The following ACAP3 variants were observed in gnomAD, a reference collection of about 807,000 sequenced individuals.
The protein encoded by ACAP3 is ArfGAP with coiled-coil, ankyrin repeat and PH domains 3, also known as arf-GAP with coiled-coil, ANK repeat and PH domain-containing protein 3.
Under a neutral mutation model 104.1 loss-of-function variants are expected in ACAP3, and 56 were observed. That is an observed-to-expected ratio of 0.54 (90% CI 0.43 to 0.67). The LOEUF is 0.67. ACAP3 is among the 30% of genes least tolerant of loss of function. The pLI is 0.00. For missense variants in ACAP3, 1,208 were observed against 1,174.9 expected, an observed-to-expected ratio of 1.03 and a Z score of -0.41; for synonymous variants, 628 against 496.2, an observed-to-expected ratio of 1.27 and a Z score of -3.53.
intron 1 of ACAP3, chr1:1,306,946 C>T (rs1443252366): frequency 2.6e-6 from 1 of 389,724 alleles, no homozygotes; most frequent in African/African-American, 2.1e-5. Context: ...AGCCCCGTGG[C>T]ACAGCTCATC....
At chr1:1,302,120 C>T in intron 4 of ACAP3, 74 bp from the exon 5 acceptor site, 1 of 1,290,784 alleles carries the variant, frequency 7.7e-7, no homozygotes, top group Non-Finnish European at 1.0e-6. Flanking sequence ...CCATCCTCAC[C>T]AGCAGAGGGC....
At chr1:1,293,797 A>AGGCCCCGCCCC in intron 23 of ACAP3, 26 bp downstream of exon 23, 6 of 302,002 alleles carry the variant, frequency 2.0e-5, no homozygotes, top group Non-Finnish European at 1.7e-5. Context: ...GGCCCCGCCC[A>AGGCCCCGCCCC]GCCCCGAGGG....
At position 1,296,272 on chromosome 1, in the gene ACAP3, C is replaced by T; in HGVS notation, c.1346G>A (p.Gly449Asp). Residue 449 changes from glycine (G) to aspartate (D), a missense_variant, in exon 16 of 24, where the codon GGT becomes GAT. By Grantham distance (94) the Gly-to-Asp change is moderately conservative (BLOSUM62 -1). Coordinates refer to ENST00000354700, the MANE Select transcript of ACAP3 (RefSeq NM_030649.3). ...GGACCGCACCTTGGAGCAGTGGACA[C>T]CCAGGCTCCTGGAGAGCAGAGGTAG... is the stretch of plus-strand genomic sequence containing the variant. ...IECSGIHRSLGVHCSKVRSLT... is the reference protein window; with the variant it reads ...IECSGIHRSLDVHCSKVRSLT... The T allele has an allele frequency of 1.9e-6, 3 of 1,558,102 alleles. No homozygotes were observed. The highest frequency in any genetic ancestry group is 2.6e-6 in the Non-Finnish European group (3 of 1,151,174).
intron 4 of ACAP3, among the ~76,000 whole-genome samples, chr1:1,302,688 C>G (rs1015823229): frequency 6.6e-6 from 1 of 151,986 alleles, no homozygotes; most frequent in Admixed American, 6.5e-5. Flanking sequence ...TTGGGGGAAC[C>G]CTGGATAAAC....
chr1:1,297,814 G>T lies in ACAP3; in HGVS notation c.1128+8C>A. The stretch of plus-strand genomic sequence containing the variant: ...ACGGGCTTGGGGCAGGGGCACCAAG[G>T]GCCACACCTCGCTATAGCAACTGTC... On this transcript the variant is annotated splice_region_variant and intron_variant, in intron 14 of 23. Coordinates refer to ENST00000354700, the MANE Select transcript of ACAP3 (RefSeq NM_030649.3). 1 of 1,608,826 alleles carries T rather than the reference G, an allele frequency of 6.2e-7. No individual in the cohort carries two copies. Among genetic ancestry groups the T allele is most frequent in the Non-Finnish European group, 8.5e-7 (1 of 1,177,552 alleles).
At chr1:1,293,970 GC>G in intron 22 of ACAP3, 37 bp from the exon 23 acceptor site, 2 of 1,497,406 alleles carry the variant, frequency 1.3e-6, no homozygotes, top group Non-Finnish European at 1.8e-6. Flanking sequence ...TCGGGGCGGG[GC>G]GGGGCGGGGC....
chr1:1,296,772 C>T (rs1641182632), intron 14 of ACAP3, 139 bp from the exon 15 acceptor site: 1 of 885,466 alleles, frequency 1.1e-6, no homozygotes, highest in Admixed American at 2.2e-5. Context: ...CGTACACGCG[C>T]ACACCCTCAC....
rs1444647569 is a variant in ACAP3, at chr1:1,303,828, C to A, written c.105+258G>T. The A allele has an allele frequency of 1.1e-5, 6 of 567,540 alleles. No homozygotes were observed. The Admixed American group carries it at 1.6e-4, about 15-fold the overall frequency. The allele number at this position is 567,540 out of a possible 1,614,324, so 35.2% of individuals were successfully genotyped here. A position where few individuals can be genotyped will look rare whatever the true frequency, so the allele number is the denominator to read the frequency against. ...TCACCAGCCCAGCAGAGGGGACGGG[C>A]AGCCACCGTGGGTCGGGGACTCACC... On this transcript the variant is annotated intron_variant, in intron 2 of 23. Transcript: ENST00000354700. The surrounding 1 kb of genome is among the most constrained non-coding windows in gnomAD (Gnocchi z 4.0).
intron 4 of ACAP3, among the ~76,000 whole-genome samples, chr1:1,302,579 G>A (rs1641491146): frequency 6.6e-6 from 1 of 152,156 alleles, no homozygotes; most frequent in African/African-American, 2.4e-5. Flanking sequence ...TCTCACGGGT[G>A]CCTGTCCTGT....
chr1:1,307,532 C>T, intron 1 of ACAP3: 4 of 1,084,726 alleles, frequency 3.7e-6, no homozygotes, highest in African/African-American at 1.6e-5. Context: ...GAGGTGCCCA[C>T]GGCTGCCCAC....
rs1557594516 is a variant in ACAP3, at chr1:1,294,137, GCTGT to G, written c.2198_2201del (p.Asp733AlafsTer23). ...CGTGGTGCAGGGGCGCCCGGCCCCG[GCTGT>G]CTCTTTGGTTCACGTCCGCTCCGTT... On this transcript the variant is annotated frameshift_variant, in exon 22 of 24. Transcript: ENST00000354700. LOFTEE classifies it high-confidence loss of function. 2 of 1,594,592 alleles carry G rather than the reference GCTGT, an allele frequency of 1.3e-6. No individual in the cohort carries two copies. Among genetic ancestry groups the G allele is most frequent in the East Asian group, 2.3e-5 (1 of 44,146 alleles).
Position 1,296,583 on chromosome 1 carries a change from G to C in ACAP3, c.1179C>G (p.Thr393=), listed in dbSNP as rs763145875. 9.7e-6 allele frequency: 15 copies of C among 1,539,562 alleles called. No individual in the cohort carries two copies. The highest frequency in any genetic ancestry group is 1.3e-5 in the Non-Finnish European group (15 of 1,146,658). Residue 393 remains threonine, a synonymous_variant, in exon 15 of 24, where the codon ACC becomes ACG. Coordinates refer to ENST00000354700, the MANE Select transcript of ACAP3 (RefSeq NM_030649.3). ...CCTTCACGCCACGCTCCCGAGTGTC[G>C]GTGGCGGAGTCGATGCTGCTCGTGG... ...SPSTSSIDSA[T]DTRERGVKGE... is the part of the protein sequence containing the mutation.
Position 1,294,389 on chromosome 1 carries a change from G to A in ACAP3, c.2139+13C>T, listed in dbSNP as rs779091466. Reference sequence around the variant, plus strand: ...CACCTGTGTCCTGCGCGCAGCCCCCGTGGCTCGCTCACCCCTAGCACGGCC... The same window carrying A: ...CACCTGTGTCCTGCGCGCAGCCCCCATGGCTCGCTCACCCCTAGCACGGCC... On this transcript the variant is annotated intron_variant, in intron 21 of 23. Transcript: ENST00000354700. 42 of 1,564,896 alleles carry A rather than the reference G, an allele frequency of 2.7e-5. No homozygotes were observed. Among genetic ancestry groups the A allele is most frequent in the Non-Finnish European group, 3.4e-5 (39 of 1,159,294 alleles).
Position 1,295,886 on chromosome 1 carries a change from G to A in ACAP3, c.1555C>T (p.Arg519Trp), listed in dbSNP as rs750075234. The A allele has an allele frequency of 5.2e-5, 84 of 1,611,864 alleles. No individual in the cohort carries two copies. Among genetic ancestry groups the A allele is most frequent in the South Asian group, 1.6e-4 (15 of 91,092 alleles). ...AGGGCTGGTGCCATGGGCGCCTTCC[G>A]CAGAAACTTCTTTTCCACGTATTTG... ...KDKYVEKKFLRKAPMAPALEA... is the reference protein window; with the variant it reads ...KDKYVEKKFLWKAPMAPALEA... The change falls in exon 18 of 24, where the codon CGG becomes TGG. Residue 519 changes from arginine to tryptophan, a missense_variant. Transcript: ENST00000354700.
At position 1,307,128 on chromosome 1, in the gene ACAP3, G is replaced by A. The variant is rs1052502905; in HGVS notation, c.47+641C>T. 4 of 1,235,024 alleles carry A rather than the reference G, an allele frequency of 3.2e-6. No homozygotes were observed. The South Asian group carries it at 3.8e-5, about 12-fold the overall frequency. 76.5% of individuals were successfully genotyped at this position (1,235,024 alleles called of 1,614,324 possible). ...TTGTCGTTTGCCAAATGTCCACCAA[G>A]CAAAGCCGATGCACACTTGTGCACA... On this transcript the variant is annotated intron_variant, in intron 1 of 23. Coordinates refer to ENST00000354700, the MANE Select transcript of ACAP3 (RefSeq NM_030649.3).
intron 10 of ACAP3, 101 bp from the exon 11 acceptor site, chr1:1,298,780 C>T: frequency 1.2e-6 from 1 of 860,360 alleles, no homozygotes; most frequent in Non-Finnish European, 1.9e-6. Flanking sequence ...TTGTCTGAGG[C>T]TGCCACACGG....
intron 1 of ACAP3, chr1:1,307,043 AGAG>A (rs1236987991): frequency 2.3e-5 from 14 of 617,404 alleles, no homozygotes; most frequent in Admixed American, 2.1e-4. Context: ...GAGCTCGTGC[AGAG>A]GAGGGGGCCT....
In ACAP3 at chr1:1,292,448, C is replaced by T. The variant is rs1640873831; in HGVS notation, c.*1116G>A. ...GGGGGGTGAGACCCGCCAGCAGGGG[C>T]CTGGGGCAAGAGGCGGGGCCAAGCT... On this transcript the variant is annotated 3_prime_UTR_variant, in exon 24 of 24. Coordinates refer to ENST00000354700, the MANE Select transcript of ACAP3 (RefSeq NM_030649.3). 1 of 152,352 alleles carries T rather than the reference C, an allele frequency of 6.6e-6. No individual in the cohort carries two copies. Among genetic ancestry groups the T allele is most frequent in the Admixed American group, 6.5e-5 (1 of 15,286 alleles). The allele number at this position is 152,352 out of a possible 1,614,324, so 9.4% of individuals were successfully genotyped here. A position where few individuals can be genotyped will look rare whatever the true frequency, so the allele number is the denominator to read the frequency against.
chr1:1,294,981 G>C, intron 19 of ACAP3, 165 bp from the exon 20 acceptor site: 1 of 649,718 alleles, frequency 1.5e-6, no homozygotes, highest in Non-Finnish European at 2.6e-6. Context: ...AGGAGCAAAG[G>C]AGAGAAAACC....
Sources: allele counts gnomAD v4.1 joint callset (sites outside exome capture counted in the v4.1 genomes callset), GRCh38; gene constraint gnomAD v4.1.1; non-coding constraint Gnocchi (gnomAD v3.1); transcripts MANE v1.5; gene names NCBI Gene and HGNC (gene_info 2026-07-23, HGNC 2026-07-21).